NOS1: variants seen among roughly 807,000 people sequenced by gnomAD.
NOS1 encodes nitric oxide synthase 1.
Under a neutral mutation model 164.5 loss-of-function variants are expected in NOS1, and 51 were observed. That is an observed-to-expected ratio of 0.31 (90% CI 0.25 to 0.39). The LOEUF (loss-of-function observed/expected upper bound fraction) is 0.39, where lower values mean the gene tolerates loss of function less well. Ranked by LOEUF, NOS1 falls within the 10% of genes least tolerant of loss-of-function variation. The pLI, the probability that NOS1 is intolerant of heterozygous loss-of-function variation, is 1.00. For synonymous variants in NOS1, 719 were observed against 745.8 expected (o/e 0.96, Z 0.59); for missense variants, 1,362 against 1,885.6 (o/e 0.72, Z 5.14).
chr12:117,330,300 G>GCACACACACACACA lies in NOS1; in HGVS notation c.725+31_725+44dup, dbSNP rs111326073. ...GACGCACATGCACACACACAAGCAT[G>GCACACACACACACA]CACACACACACACACACACACACAC... On this transcript the variant is annotated intron_variant, in intron 2 of 28. Coordinates refer to ENST00000317775, the MANE Select transcript of NOS1 (RefSeq NM_000620.5). This position sits in a 1 kb window ranked among gnomAD's most constrained non-coding sequence, Gnocchi z 4.6. 1.2e-4 allele frequency: 178 copies of GCACACACACACACA among 1,492,218 alleles called. No individual in the cohort carries two copies. The highest frequency in any genetic ancestry group is 5.8e-4 in the Middle Eastern group (3 of 5,138). The allele number at this position is 1,492,218 out of a possible 1,614,324, so 92.4% of individuals were successfully genotyped here. A position where few individuals can be genotyped will look rare whatever the true frequency, so the allele number is the denominator to read the frequency against.
chr12:117,212,145 A>G lies in NOS1; in HGVS notation c.*3164T>C. ...CTGCAAACTGCCCGGTGCCTTCCAC[A>G]CACTGGAGAAGCAAGACATGTTATA... On this transcript the variant is annotated 3_prime_UTR_variant, in exon 29 of 29. Coordinates refer to ENST00000317775, the MANE Select transcript of NOS1 (RefSeq NM_000620.5). 1 of 985,368 alleles carries G rather than the reference A, an allele frequency of 1.0e-6. No homozygotes were observed. Among genetic ancestry groups the G allele is most frequent in the Non-Finnish European group, 1.2e-6 (1 of 829,902 alleles). The allele number at this position is 985,368 out of a possible 1,614,324, so 61.0% of individuals were successfully genotyped here. A position where few individuals can be genotyped will look rare whatever the true frequency, so the allele number is the denominator to read the frequency against.
chr12:117,352,241 C>T lies in NOS1; in HGVS notation c.-421+9271G>A, dbSNP rs1350074315. 8.6e-5 allele frequency among the ~76,000 whole-genome samples: 13 copies of T among 152,034 alleles called. 1 individual carries two copies. The highest frequency in any genetic ancestry group is 2.6e-4 in the Admixed American group (4 of 15,262). The stretch of plus-strand genomic sequence containing the variant: ...CATACATAATACAGTGTTCAAGAGC[C>T]GATGTCATGGCACTGAACACTCTGG... On this transcript the variant is annotated intron_variant, in intron 1 of 28. Coordinates refer to ENST00000317775, the MANE Select transcript of NOS1 (RefSeq NM_000620.5).
In NOS1 at chr12:117,288,264, A is replaced by G. The variant is rs9658344; in HGVS notation, c.982-45T>C. The G allele has an allele frequency of 8.1e-4, 1,285 of 1,586,210 alleles. 5 individuals are homozygous for G. The African/African-American group carries it at 0.015, about 19-fold the overall frequency. On this transcript the variant is annotated intron_variant, in intron 4 of 28. Transcript: ENST00000317775. ...GGGGTATTGCTTGGTTTTACCCAAG[A>G]GTGGCAGGTGTTAGGCTGTGGGCTT...
chr12:117,361,093 G>A (rs1877123964), intron 1 of NOS1, among the ~76,000 whole-genome samples: 1 of 152,120 alleles, frequency 6.6e-6, no homozygotes, highest in Admixed American at 6.5e-5. Flanking sequence ...TGGGGACGGA[G>A]AAGGGGCGCG....
chr12:117,345,419 C>T (rs1185524783), intron 1 of NOS1, among the ~76,000 whole-genome samples: 1 of 152,034 alleles, frequency 6.6e-6, no homozygotes, highest in African/African-American at 2.4e-5. Flanking sequence ...TGGTGAAATA[C>T]CTCCAAAAAT....
At chr12:117,308,555 C>CAA (rs199773807) in intron 3 of NOS1, among the ~76,000 whole-genome samples, 7 of 141,722 alleles carry the variant, frequency 4.9e-5, no homozygotes, top group African/African-American at 1.8e-4. Flanking sequence ...AACAAACAAA[C>CAA]AAAAAAAAAA....
At chr12:117,349,606 T>TA (rs1282864042) in intron 1 of NOS1, among the ~76,000 whole-genome samples, 2 of 152,130 alleles carry the variant, frequency 1.3e-5, no homozygotes, top group Non-Finnish European at 2.9e-5. Context: ...AATAAAACAA[T>TA]AAAAAATGGG....
intron 8 of NOS1, among the ~76,000 whole-genome samples, chr12:117,280,509 G>C (rs762440419): frequency 8.5e-5 from 13 of 152,186 alleles, no homozygotes; most frequent in Non-Finnish European, 1.9e-4. Context: ...GTTCCCATCA[G>C]GAGGGCTGAG....
intron 10 of NOS1, among the ~76,000 whole-genome samples, chr12:117,269,918 T>G (rs1038516646): frequency 2.6e-5 from 4 of 152,142 alleles, no homozygotes; most frequent in African/African-American, 9.7e-5. Flanking sequence ...CCTGCCAGAC[T>G]CCATCTGACA....
chr12:117,264,481 CCTTTCTTTCT>C (rs1022873380), intron 12 of NOS1, among the ~76,000 whole-genome samples: 21 of 148,206 alleles, frequency 1.4e-4, no homozygotes, highest in African/African-American at 4.6e-4. Context: ...TTCTTTCTTT[CCTTTCTTTCT>C]CTTTCTTTCT....
At chr12:117,231,848 C>A in intron 22 of NOS1, 114 bp downstream of exon 22, 1 of 1,138,734 alleles carries the variant, frequency 8.8e-7, no homozygotes, top group Non-Finnish European at 1.3e-6. Context: ...AAATAATGGC[C>A]CCCTTGGCTC....
At chr12:117,232,825 C>T (rs1360484847) in intron 21 of NOS1, among the ~76,000 whole-genome samples, 4 of 152,104 alleles carry the variant, frequency 2.6e-5, no homozygotes, top group Admixed American at 2.6e-4. Flanking sequence ...TCTATTTCAA[C>T]ACAGAGGAAG....
Position 117,265,374 on chromosome 12 carries a change from G to T in NOS1, c.2078C>A (p.Thr693Asn), listed in dbSNP as rs1205974157. Residue 693 changes from threonine (T) to asparagine (N), a missense_variant, in exon 12 of 29, where the codon ACC becomes AAC. By Grantham distance (65) the Thr-to-Asn change is moderately conservative (BLOSUM62 0). Around this residue, in one of 4 missense-constraint regions of NOS1, gnomAD observed 737 missense variants for 1,030.3 expected, o/e 0.72. Transcript: ENST00000317775. ...WIVPPMSGSI[T>N]PVFHQEMLNY... ...GAGCATCTCCTGGTGGAACACAGGG[G>T]TGATGCTTCCGGACATGGGGGGCAC... 1 of 1,589,376 alleles carries T rather than the reference G, an allele frequency of 6.3e-7. No individual in the cohort carries two copies.
intron 1 of NOS1, among the ~76,000 whole-genome samples, chr12:117,346,927 A>T (rs1876380315): frequency 6.6e-6 from 1 of 152,218 alleles, no homozygotes; most frequent in African/African-American, 2.4e-5. Context: ...ATAGGTATAC[A>T]AATGAATTGC....
rs1422032482 is a variant in NOS1 at position 117,218,066 on chromosome 12, C to G, written c.4269G>C (p.Glu1423Asp). Residue 1423 changes from glutamate to aspartate, a missense_variant, in exon 28 of 29, where the codon GAG (glutamate) becomes GAC (aspartate). By Grantham distance (45) the Glu-to-Asp change is conservative. This residue lies in a region of NOS1 where 737 missense variants were observed against 1,030.3 expected (regional missense o/e 0.72). Coordinates refer to ENST00000317775, the MANE Select transcript of NOS1 (RefSeq NM_000620.5). Reference sequence around the variant, plus strand: ...CTTACTCATCGGTGTCTTTTTTGCTCTCTTCAATGAAGGCAATGGACTCAG... The same window carrying G: ...CTTACTCATCGGTGTCTTTTTTGCTGTCTTCAATGAAGGCAATGGACTCAG... ...LRSESIAFIE[E>D]SKKDTDEVFS... 5.6e-6 allele frequency: 9 copies of G among 1,613,758 alleles called. No homozygotes were observed. Among genetic ancestry groups the G allele is most frequent in the African/African-American group, 4.0e-5 (3 of 74,920 alleles).
At chr12:117,345,293 G>C (rs997544295) in intron 1 of NOS1, among the ~76,000 whole-genome samples, 2 of 152,150 alleles carry the variant, frequency 1.3e-5, no homozygotes, top group Admixed American at 1.3e-4. Flanking sequence ...AAAGTGCTGG[G>C]ATTACAGGCG....
chr12:117,249,324 AT>A (rs1454585360), intron 17 of NOS1, among the ~76,000 whole-genome samples: 1 of 152,182 alleles, frequency 6.6e-6, no homozygotes, highest in Non-Finnish European at 1.5e-5. Flanking sequence ...AAGTATCGCC[AT>A]CATCAGGAGA....
At chr12:117,258,799 A>T (rs1257538924) in intron 15 of NOS1, among the ~76,000 whole-genome samples, 2 of 152,186 alleles carry the variant, frequency 1.3e-5, no homozygotes, top group African/African-American at 4.8e-5. Flanking sequence ...TAGCTCACTT[A>T]GGTGACAATA....
intron 27 of NOS1, among the ~76,000 whole-genome samples, chr12:117,219,117 T>C (rs1956658380): frequency 6.6e-6 from 1 of 151,494 alleles, no homozygotes; most frequent in Admixed American, 6.6e-5. Context: ...CAGCTGGGAC[T>C]ACAGGCATGC....
Sources: gnomAD v4.1 joint callset for allele counts (sites outside exome capture counted in the v4.1 genomes callset) on GRCh38, gnomAD v4.1.1 for gene constraint, gnomAD v4.1.1 regional missense constraint, Gnocchi (gnomAD v3.1) non-coding constraint, MANE v1.5 for transcripts, NCBI Gene and HGNC (gene_info 2026-07-23, HGNC 2026-07-21) for gene names.